The following ABI3BP variants were observed in gnomAD, a reference collection of about 807,000 sequenced individuals.
ABI3BP encodes the protein target of Nesh-SH3.
Under a neutral mutation model 268.6 loss-of-function variants are expected in ABI3BP, and 216 were observed. The observed-to-expected ratio is 0.80, with a 90% CI of 0.72 to 0.90. The LOEUF (loss-of-function observed/expected upper bound fraction) is 0.90, where lower values mean the gene tolerates loss of function less well. Among genes scored for constraint, ABI3BP ranks in the 40% least tolerant of loss-of-function variants. The probability of loss-of-function intolerance (pLI) is 0.00; values close to 1 mark genes in which losing one functional copy is unlikely to be tolerated. For missense variants in ABI3BP, 2,090 were observed against 2,182.4 expected (o/e 0.96, Z 0.84); for synonymous variants, 730 against 730.0 (o/e 1.00, Z 0.00).
chr3:100,880,042 C>T (rs1002916219), intron 6 of ABI3BP, among the ~76,000 whole-genome samples: 10 of 152,222 alleles, frequency 6.6e-5, no homozygotes, highest in African/African-American at 2.4e-4. Context: ...TAACCAATTA[C>T]AATCCAATCT....
intron 2 of ABI3BP, among the ~76,000 whole-genome samples, chr3:100,914,161 A>C (rs1189296475): frequency 1.3e-5 from 2 of 152,180 alleles, no homozygotes; most frequent in African/African-American, 2.4e-5. Context: ...CAGAAAAAGT[A>C]TGTTTTCATG....
At chr3:100,756,939 TGAA>T (rs1055290297) in intron 63 of ABI3BP, among the ~76,000 whole-genome samples, 24 of 152,196 alleles carry the variant, frequency 1.6e-4, no homozygotes, top group African/African-American at 5.5e-4. Context: ...AAATTTTTTC[TGAA>T]GAAGCACATT....
At chr3:100,909,045 G>T (rs1467566485) in intron 2 of ABI3BP, among the ~76,000 whole-genome samples, 1 of 152,122 alleles carries the variant, frequency 6.6e-6, no homozygotes, top group African/African-American at 2.4e-5. Context: ...GCATGGTACT[G>T]GTACCAAAAC....
intron 1 of ABI3BP, among the ~76,000 whole-genome samples, chr3:100,986,623 C>A (rs2091837954): frequency 6.6e-6 from 1 of 152,086 alleles, no homozygotes; most frequent in Non-Finnish European, 1.5e-5. Flanking sequence ...CCTGTCATTA[C>A]ACCTGGCTAA....
chr3:100,864,982 G>A, intron 10 of ABI3BP, 75 bp from the exon 11 acceptor site: 1 of 1,139,884 alleles, frequency 8.8e-7, no homozygotes, highest in Non-Finnish European at 1.3e-6. Context: ...ACATCCTGTT[G>A]CCTTTTAGAA....
At chr3:100,886,402 A>G (rs1430679692) in intron 4 of ABI3BP, 79 bp from the exon 5 acceptor site, 1 of 1,096,800 alleles carries the variant, frequency 9.1e-7, no homozygotes, top group African/African-American at 1.6e-5. Flanking sequence ...ACTTCATCAC[A>G]GATTTCAACC....
intron 1 of ABI3BP, among the ~76,000 whole-genome samples, chr3:100,931,799 A>G (rs1006207071): frequency 6.6e-6 from 1 of 152,124 alleles, no homozygotes; most frequent in Non-Finnish European, 1.5e-5. Flanking sequence ...GTACAGATTC[A>G]ATGTTCTTTC....
At chr3:100,768,393 C>G (rs2096407015) in intron 62 of ABI3BP, among the ~76,000 whole-genome samples, 1 of 152,098 alleles carries the variant, frequency 6.6e-6, no homozygotes, top group Non-Finnish European at 1.5e-5. Context: ...CGGCCTGGCT[C>G]AAGTTTTAAA....
intron 55 of ABI3BP, among the ~76,000 whole-genome samples, chr3:100,791,248 T>C (rs1218812821): frequency 6.6e-6 from 1 of 151,926 alleles, no homozygotes; most frequent in Non-Finnish European, 1.5e-5. Flanking sequence ...AAATTCCATA[T>C]ATACTAGTAA....
intron 1 of ABI3BP, among the ~76,000 whole-genome samples, chr3:100,971,827 C>T (rs996640920): frequency 6.6e-6 from 1 of 152,074 alleles, no homozygotes; most frequent in African/African-American, 2.4e-5. Flanking sequence ...AGCAAAACCA[C>T]AGCTTTTTAA....
At chr3:100,820,964 G>C (rs1578977278) in intron 39 of ABI3BP, 90 bp downstream of exon 39, 1 of 1,107,992 alleles carries the variant, frequency 9.0e-7, no homozygotes, top group East Asian at 2.6e-5. Context: ...ATGTAGTCTT[G>C]AAAAGCATAA....
chr3:100,837,028 G>T, intron 27 of ABI3BP, 96 bp downstream of exon 27: 1 of 1,201,936 alleles, frequency 8.3e-7, no homozygotes, highest in Admixed American at 3.0e-5. Context: ...AACAAAAATG[G>T]TGAATGACAA....
chr3:100,789,622 A>G, intron 55 of ABI3BP, 106 bp from the exon 56 acceptor site: 2 of 1,074,550 alleles, frequency 1.9e-6, no homozygotes, highest in Non-Finnish European at 2.7e-6. Flanking sequence ...GCATGGACGT[A>G]TAAAGAAGGT....
intron 24 of ABI3BP, 100 bp downstream of exon 24, chr3:100,839,469 G>C: frequency 2.4e-6 from 3 of 1,234,262 alleles, no homozygotes; most frequent in Non-Finnish European, 3.4e-6. Flanking sequence ...GGATGAAACT[G>C]TGATGAGGTG....
chr3:100,831,215 CTG>C (rs976265227), intron 31 of ABI3BP, among the ~76,000 whole-genome samples: 1 of 152,034 alleles, frequency 6.6e-6, no homozygotes, highest in African/African-American at 2.4e-5. Context: ...GGGTGTCACT[CTG>C]TTGAATAGGT....
At chr3:100,918,160 A>G (rs1205907059) in intron 2 of ABI3BP, among the ~76,000 whole-genome samples, 2 of 152,168 alleles carry the variant, frequency 1.3e-5, no homozygotes, top group African/African-American at 4.8e-5. Flanking sequence ...AGAAATAACT[A>G]AGAATTAGAT....
rs1560781936 is a variant in ABI3BP at position 100,848,830 on chromosome 3, G to A, written c.1547C>T (p.Pro516Leu). The A allele has an allele frequency of 1.2e-6, 2 of 1,613,232 alleles. No individual in the cohort carries two copies. Among genetic ancestry groups the A allele is most frequent in the Non-Finnish European group, 1.7e-6 (2 of 1,179,430 alleles). The part of the protein sequence containing the change: ...TSIPSTPKRR[P>L]RPKPPRTKPE... ...TTTGGTTCTTGGCGGTTTGGGCCGGGGGCGTCGTTTAGGTGTAGAAGGGAT... is the reference window on the plus strand; with the variant it reads ...TTTGGTTCTTGGCGGTTTGGGCCGGAGGCGTCGTTTAGGTGTAGAAGGGAT... Residue 516 changes from proline to leucine, a missense_variant, in exon 18 of 68, where the codon CCC (proline) becomes CTC (leucine). Transcript: ENST00000471714.
intron 58 of ABI3BP, among the ~76,000 whole-genome samples, chr3:100,779,910 CA>C (rs2150264417): frequency 6.6e-6 from 1 of 152,308 alleles, no homozygotes; most frequent in South Asian, 2.1e-4. Flanking sequence ...AGTATCACAT[CA>C]GAAGTTCCTA....
chr3:100,803,125 G>A (rs1187650107), intron 51 of ABI3BP, among the ~76,000 whole-genome samples: 1 of 146,100 alleles, frequency 6.8e-6, no homozygotes. Flanking sequence ...CTGAACATGT[G>A]GAGCTGGAGA....
Sources: gnomAD v4.1 joint callset for allele counts (sites outside exome capture counted in the v4.1 genomes callset) on GRCh38, gnomAD v4.1.1 for gene constraint, MANE v1.5 for transcripts, NCBI Gene and HGNC (gene_info 2026-07-23, HGNC 2026-07-21) for gene names.